Variants in ZNF831 observed in about 807,000 individuals in gnomAD.
ZNF831 encodes zinc finger protein 831, also known as chromosome 20 open reading frame 174.
ZNF831 carries 59 observed loss-of-function variants against 95.8 expected under a neutral mutation model. The ratio of observed to expected loss-of-function variants is 0.62; its 90% CI spans 0.50 to 0.77. The LOEUF is 0.77. Among genes scored for constraint, ZNF831 ranks in the 30% least tolerant of loss-of-function variants. The pLI is 0.00. For missense variants in ZNF831, 2,205 were observed against 2,164.0 expected (o/e 1.02, Z -0.38); for synonymous variants, 961 against 925.5 (o/e 1.04, Z -0.70).
At chr20:59,247,709 T>C (rs1987687018) in intron 4 of ZNF831, among the ~76,000 whole-genome samples, 1 of 152,258 alleles carries the variant, frequency 6.6e-6, no homozygotes, top group South Asian at 2.1e-4. Flanking sequence ...GCTTAGAAGG[T>C]TGATTTTATA....
Position 59,194,688 on chromosome 20 carries a change from C to A in ZNF831, c.3669C>A (p.Gly1223=), listed in dbSNP as rs748608762. ...GSSLRDEGPN[G]PPGSNGGWTW... ...GCCTCCGAGATGAGGGTCCCAATGG[C>A]CCTCCTGGGAGCAATGGAGGATGGA... Residue 1223 remains glycine, a synonymous_variant, in exon 2 of 6, where the codon GGC becomes GGA. Coordinates refer to ENST00000371030, the MANE Select transcript of ZNF831 (RefSeq NM_178457.3). 3 of 1,610,458 alleles carry A rather than the reference C, an allele frequency of 1.9e-6. No homozygotes were observed. Among genetic ancestry groups the A allele is most frequent in the South Asian group, 1.1e-5 (1 of 90,500 alleles).
intron 1 of ZNF831, among the ~76,000 whole-genome samples, chr20:59,170,907 A>T (rs1601328088): frequency 6.6e-6 from 1 of 152,206 alleles, no homozygotes; most frequent in East Asian, 1.9e-4. Context: ...GGTGGCAGGC[A>T]ATCTACAACC....
intron 4 of ZNF831, among the ~76,000 whole-genome samples, chr20:59,246,608 C>T (rs1289667903): frequency 6.6e-6 from 1 of 151,944 alleles, no homozygotes; most frequent in Non-Finnish European, 1.5e-5. Flanking sequence ...CTGGACATGA[C>T]AGAATTTTTA....
intron 4 of ZNF831, among the ~76,000 whole-genome samples, chr20:59,242,156 G>A (rs1987373440): frequency 6.6e-6 from 1 of 152,140 alleles, no homozygotes; most frequent in South Asian, 2.1e-4. Flanking sequence ...TTTCTAGTTT[G>A]ACAAGAGCCC....
chr20:59,233,351 C>T (rs1986840834), intron 4 of ZNF831, among the ~76,000 whole-genome samples: 1 of 152,162 alleles, frequency 6.6e-6, no homozygotes, highest in South Asian at 2.1e-4. Flanking sequence ...CTTCTCCCAA[C>T]ATTTGCCTTT....
intron 4 of ZNF831, among the ~76,000 whole-genome samples, chr20:59,207,845 A>T (rs1568769871): frequency 6.6e-6 from 1 of 152,224 alleles, no homozygotes; most frequent in South Asian, 2.1e-4. Flanking sequence ...GTTTGGCTCA[A>T]GAGCTAACCC....
rs566480022 is a variant in ZNF831 at position 59,127,153 on chromosome 20, C to T, written c.-1425+3648C>T. 5.7e-4 allele frequency among the ~76,000 whole-genome samples: 85 copies of T among 149,336 alleles called. No individual in the cohort carries two copies. In the Middle Eastern group the frequency reaches 0.014, roughly 24 times the overall value. ...CGGAGGATCCTTTCTCTGTCTCACA[C>T]CTTACATCTAATCCACCAGCAAGTC... On this transcript the variant is annotated intron_variant, in intron 1 of 7. Transcript: ENST00000637017.
intron 1 of ZNF831, among the ~76,000 whole-genome samples, chr20:59,135,981 G>C (rs1861232882): frequency 6.6e-6 from 1 of 152,144 alleles, no homozygotes; most frequent in East Asian, 1.9e-4. Context: ...CTCAAAAAAA[G>C]TCAGTAGGCT....
At chr20:59,187,577 C>T (rs898008204) in intron 1 of ZNF831, among the ~76,000 whole-genome samples, 1 of 152,026 alleles carries the variant, frequency 6.6e-6, no homozygotes, top group Non-Finnish European at 1.5e-5. Context: ...AAATTGAGTA[C>T]CTTTGCTCAA....
chr20:59,253,879 C>CTTTTCA lies in ZNF831; in HGVS notation c.4189-19_4189-18insTTTTCA. The stretch of plus-strand genomic sequence containing the variant: ...TAACCTCCCCCCCCACTTTTTTTTT[C>CTTTTCA]CTTTGCACTTTGTTGCAGGATATTT... On this transcript the variant is annotated intron_variant, in intron 5 of 5. Transcript: ENST00000371030. 1.4e-5 allele frequency: 7 copies of CTTTTCA among 489,108 alleles called. No homozygotes were observed. The highest frequency in any genetic ancestry group is 9.4e-5 in the East Asian group (1 of 10,604). 30.3% of individuals were successfully genotyped at this position (489,108 alleles called of 1,614,324 possible).
chr20:59,173,791 C>G (rs556131098), intron 1 of ZNF831, among the ~76,000 whole-genome samples: 4 of 152,244 alleles, frequency 2.6e-5, no homozygotes, highest in African/African-American at 9.6e-5. Flanking sequence ...AGTCAGAAGA[C>G]AGAAACCACC....
chr20:59,228,334 T>C (rs1433852212), intron 4 of ZNF831, among the ~76,000 whole-genome samples: 1 of 151,956 alleles, frequency 6.6e-6, no homozygotes, highest in East Asian at 1.9e-4. Flanking sequence ...TGCTGGCAGG[T>C]TGATGGGAAA....
rs2146773334 is a variant in ZNF831 at position 59,254,650 on chromosome 20, G to A, written c.4941G>A (p.Lys1647=). 1.2e-6 allele frequency: 2 copies of A among 1,614,114 alleles called. No homozygotes were observed. The highest frequency in any genetic ancestry group is 8.5e-7 in the Non-Finnish European group (1 of 1,180,032). The part of the protein sequence containing the change: ...EIPEAPSKSL[K]KRSLEGMRKQ... ...CTGAAGCCCCTTCTAAATCCCTCAA[G>A]AAGAGGAGTCTGGAAGGAATGAGAA... is the stretch of plus-strand genomic sequence containing the variant. The change falls in exon 6 of 6, where the codon AAG becomes AAA. Residue 1647 remains lysine, a synonymous_variant. Coordinates refer to ENST00000371030, the MANE Select transcript of ZNF831 (RefSeq NM_178457.3). The surrounding 1 kb of genome is among the most constrained non-coding windows in gnomAD (Gnocchi z 4.5).
rs909575083 is a variant in ZNF831 at position 59,208,991 on chromosome 20, C to T, written c.4027+1935C>T. Among the ~76,000 whole-genome samples the T allele has an allele frequency of 3.3e-5, 5 of 152,164 alleles. No homozygotes were observed. Among genetic ancestry groups the T allele is most frequent in the Admixed American group, 6.5e-5 (1 of 15,284 alleles). ...TGCTTAGCTCCCCAGGCACTGGACT[C>T]GGCACTGTGACAGGGAGGGGAACTA... On this transcript the variant is annotated intron_variant, in intron 4 of 5. Transcript: ENST00000371030. The surrounding 1 kb of genome is among the most constrained non-coding windows in gnomAD (Gnocchi z 4.2).
At chr20:59,179,655 C>T (rs900137814) in intron 1 of ZNF831, among the ~76,000 whole-genome samples, 3 of 152,086 alleles carry the variant, frequency 2.0e-5, no homozygotes, top group Admixed American at 6.6e-5. Flanking sequence ...TCCGTCCTCG[C>T]GTGGGTCTTC....
At chr20:59,199,454 TAC>T (rs1413876005) in intron 3 of ZNF831, among the ~76,000 whole-genome samples, 2 of 152,176 alleles carry the variant, frequency 1.3e-5, no homozygotes, top group African/African-American at 4.8e-5. Flanking sequence ...GTCTTTAAAG[TAC>T]ACATAAAAGT....
intron 1 of ZNF831, among the ~76,000 whole-genome samples, chr20:59,143,096 G>A (rs914381209): frequency 2.0e-5 from 3 of 152,210 alleles, no homozygotes; most frequent in Non-Finnish European, 4.4e-5. Context: ...ATGGGGTCTC[G>A]CTCTGTTGCT....
intron 1 of ZNF831, among the ~76,000 whole-genome samples, chr20:59,144,169 G>T (rs1022320369): frequency 1.3e-5 from 2 of 152,030 alleles, no homozygotes; most frequent in Non-Finnish European, 1.5e-5. Context: ...TTTTTACTCT[G>T]CTTTCCATCT....
At chr20:59,187,407 C>T (rs927437873) in intron 1 of ZNF831, among the ~76,000 whole-genome samples, 3 of 152,134 alleles carry the variant, frequency 2.0e-5, no homozygotes, top group African/African-American at 7.2e-5. Flanking sequence ...AGACGGCCAT[C>T]TAGGTACCAG....
Sources: gnomAD v4.1 joint callset for allele counts (sites outside exome capture counted in the v4.1 genomes callset) on GRCh38, gnomAD v4.1.1 for gene constraint, Gnocchi (gnomAD v3.1) non-coding constraint, MANE v1.5 for transcripts, NCBI Gene and HGNC (gene_info 2026-07-23, HGNC 2026-07-21) for gene names.